RIMBP2: variants seen among roughly 807,000 people sequenced by gnomAD.
The protein encoded by RIMBP2 is RIMS binding protein 2.
In RIMBP2, 48 loss-of-function variants were observed where a neutral mutation model predicts 118.6. The ratio of observed to expected loss-of-function variants is 0.40; its 90% CI spans 0.32 to 0.51. The LOEUF is 0.51. Ranked by LOEUF, RIMBP2 falls within the 20% of genes least tolerant of loss-of-function variation. The pLI is 0.41. For missense variants in RIMBP2, 1,551 were observed against 1,768.3 expected (o/e 0.88, Z 2.20); for synonymous variants, 762 against 742.9 (o/e 1.03, Z -0.42).
intron 2 of RIMBP2, among the ~76,000 whole-genome samples, chr12:130,568,557 C>T (rs774731195): frequency 6.6e-5 from 10 of 152,312 alleles, no homozygotes; most frequent in Admixed American, 1.3e-4. Context: ...CTGGGAAACC[C>T]AGAAGCAATG....
Position 130,441,753 on chromosome 12 carries a change from T to A in RIMBP2, c.1504+95A>T, listed in dbSNP as rs2078158029. 8.2e-6 allele frequency: 9 copies of A among 1,098,770 alleles called. No individual in the cohort carries two copies. In the East Asian group the frequency reaches 2.3e-4, roughly 28 times the overall value. 68.1% of individuals were successfully genotyped at this position (1,098,770 alleles called of 1,614,324 possible). ...AGGGTCATGTTGTCAGGATGGGGAT[T>A]CCTGCTTCTGCCTGCCCCACCTTCC... is the stretch of plus-strand genomic sequence containing the variant. On this transcript the variant is annotated intron_variant, in intron 11 of 22. Coordinates refer to ENST00000690449, the MANE Select transcript of RIMBP2 (RefSeq NM_001393629.1).
At chr12:130,597,934 A>C (rs1246406576) in intron 2 of RIMBP2, among the ~76,000 whole-genome samples, 1 of 152,232 alleles carries the variant, frequency 6.6e-6, no homozygotes, top group African/African-American at 2.4e-5. Context: ...AGATTGGAAA[A>C]GAAGGAGGAA....
At chr12:130,650,958 T>TTA (rs1555318449) in intron 1 of RIMBP2, among the ~76,000 whole-genome samples, 2,045 of 125,568 alleles carry the variant, frequency 0.016, 26 homozygotes, top group South Asian at 0.039. Flanking sequence ...TTGTTTTTTT[T>TTA]AAAAAAAAAA....
intron 1 of RIMBP2, among the ~76,000 whole-genome samples, chr12:130,640,177 A>T (rs7979887): frequency 6.6e-5 from 10 of 151,996 alleles, no homozygotes; most frequent in African/African-American, 2.2e-4. Flanking sequence ...CCTAGAACCA[A>T]CCTTGCTGCT....
chr12:130,696,056 C>T (rs939859038), intron 1 of RIMBP2, among the ~76,000 whole-genome samples: 1 of 152,204 alleles, frequency 6.6e-6, no homozygotes, highest in Admixed American at 6.5e-5. Context: ...GGAGATGCTA[C>T]ATGGGCAACT....
rs1430244770 is a variant in RIMBP2 at position 130,657,705 on chromosome 12, GGC to G, written c.-351-29251_-351-29250del. On this transcript the variant is annotated intron_variant, in intron 1 of 22. Coordinates refer to ENST00000690449, the MANE Select transcript of RIMBP2 (RefSeq NM_001393629.1). ...GGAGGATGGAGCCCCAGCTGCGGGGGGCAGTGAGGGCGGAGGATGGAGCCCCA... is the reference window on the plus strand; with the variant it reads ...GGAGGATGGAGCCCCAGCTGCGGGGGAGTGAGGGCGGAGGATGGAGCCCCA... 7.7e-5 allele frequency: 9 copies of G among 117,106 alleles called. No individual in the cohort carries two copies. In the East Asian group the frequency reaches 2.4e-3, roughly 31 times the overall value. The allele number at this position is 117,106 out of a possible 1,614,324, so 7.3% of individuals were successfully genotyped here.
intron 1 of RIMBP2, among the ~76,000 whole-genome samples, chr12:130,695,798 G>A (rs571469223): frequency 6.6e-6 from 1 of 152,232 alleles, no homozygotes; most frequent in South Asian, 2.1e-4. Flanking sequence ...GGAGCTAGCA[G>A]GGGAGGTGGG....
intron 4 of RIMBP2, among the ~76,000 whole-genome samples, chr12:130,488,990 G>C (rs910520096): frequency 4.6e-5 from 7 of 152,234 alleles, no homozygotes; most frequent in African/African-American, 1.7e-4. Context: ...GAAAGTTCCA[G>C]AGAGCTGACT....
chr12:130,552,415 A>G (rs2139742082), intron 2 of RIMBP2, among the ~76,000 whole-genome samples: 1 of 152,376 alleles, frequency 6.6e-6, no homozygotes, highest in Non-Finnish European at 1.5e-5. Flanking sequence ...TATCTTTTTC[A>G]AGACAATTAT....
chr12:130,586,173 A>C (rs1019482146), intron 2 of RIMBP2, among the ~76,000 whole-genome samples: 3 of 152,204 alleles, frequency 2.0e-5, no homozygotes, highest in Non-Finnish European at 2.9e-5. Flanking sequence ...TAAGATGAAG[A>C]GGCCAGGGCG....
rs142142381 is a variant in RIMBP2 at position 130,475,254 on chromosome 12, C to T, written c.102+3658G>A. ...CATGATCTTACGTGCTTCTCCCGAC[C>T]GCCATGCAGGGCAGGAGGACAGGTG... is the stretch of plus-strand genomic sequence containing the variant. On this transcript the variant is annotated intron_variant, in intron 5 of 22. Coordinates refer to ENST00000690449, the MANE Select transcript of RIMBP2 (RefSeq NM_001393629.1). The surrounding 1 kb of genome is among the most constrained non-coding windows in gnomAD (Gnocchi z 4.1). Among the ~76,000 whole-genome samples the T allele has an allele frequency of 6.6e-6, 1 of 152,322 alleles. No homozygotes were observed. The highest frequency in any genetic ancestry group is 1.5e-5 in the Non-Finnish European group (1 of 68,036).
At chr12:130,429,926 G>T (rs1401389190) in intron 14 of RIMBP2, 1 of 152,186 alleles carries the variant, frequency 6.6e-6, no homozygotes, top group African/African-American at 2.4e-5. Flanking sequence ...TGGGTCTAAC[G>T]AGGCCCTCCC....
At chr12:130,538,953 C>G (rs1356080) in intron 2 of RIMBP2, among the ~76,000 whole-genome samples, 2,672 of 152,238 alleles carry the variant, frequency 0.018, 73 homozygotes, top group Admixed American at 0.06. Flanking sequence ...CCTGAGGGTG[C>G]TAAGGGTGGT....
intron 2 of RIMBP2, among the ~76,000 whole-genome samples, chr12:130,551,384 T>A (rs2055766618): frequency 6.6e-6 from 1 of 152,196 alleles, no homozygotes; most frequent in Non-Finnish European, 1.5e-5. Flanking sequence ...TTGTGAGATA[T>A]TTCTCACTTC....
intron 4 of RIMBP2, among the ~76,000 whole-genome samples, chr12:130,483,756 C>G (rs1194361094): frequency 2.0e-5 from 3 of 146,808 alleles, no homozygotes; most frequent in Admixed American, 6.7e-5. Flanking sequence ...ACACAGTGCC[C>G]GGAGCCCCCA....
rs976324821 is a variant in RIMBP2, at chr12:130,436,824, C to A, written c.2106+18G>T. 2.2e-6 allele frequency: 3 copies of A among 1,376,558 alleles called. No individual in the cohort carries two copies. The African/African-American group carries it at 4.5e-5, about 21-fold the overall frequency. 85.3% of individuals were successfully genotyped at this position (1,376,558 alleles called of 1,614,324 possible). A position where few individuals can be genotyped will look rare whatever the true frequency, so the allele number is the denominator to read the frequency against. On this transcript the variant is annotated intron_variant, in intron 13 of 22. Transcript: ENST00000690449. The stretch of plus-strand genomic sequence containing the variant: ...TTTGGGGACTGAGGAGCCACCGAGG[C>A]GGGAGCCCCAGCCTTACCCTGCTGC...
chr12:130,627,790 C>T (rs1299714253), intron 2 of RIMBP2, among the ~76,000 whole-genome samples: 1 of 152,196 alleles, frequency 6.6e-6, no homozygotes, highest in African/African-American at 2.4e-5. Context: ...TCTCCAATGA[C>T]CCTCACGTCC....
chr12:130,571,488 C>T (rs1009948627), intron 2 of RIMBP2, among the ~76,000 whole-genome samples: 4 of 149,990 alleles, frequency 2.7e-5, no homozygotes, highest in Admixed American at 6.6e-5. Context: ...GGCACAATCT[C>T]GGCTCACTGC....
rs765709015 is a variant in RIMBP2, at chr12:130,412,743, G to T, written c.3465C>A (p.Thr1155=). The T allele has an allele frequency of 9.3e-6, 15 of 1,613,808 alleles. No homozygotes were observed. Among genetic ancestry groups the T allele is most frequent in the Middle Eastern group, 1.6e-4 (1 of 6,084 alleles). ...AAGGAATAAGGCCAAGCCGGGCACA[G>T]GTTTCCCCACGGTAGAATCCATCAG... ...KDADGFYRGE[T]CARLGLIPCN... The change falls in exon 19 of 23, where the codon ACC becomes ACA. Residue 1155 remains threonine, a synonymous_variant. Transcript: ENST00000690449.
Sources: gnomAD v4.1 joint callset for allele counts (sites outside exome capture counted in the v4.1 genomes callset) on GRCh38, gnomAD v4.1.1 for gene constraint, Gnocchi (gnomAD v3.1) non-coding constraint, MANE v1.5 for transcripts, NCBI Gene and HGNC (gene_info 2026-07-23, HGNC 2026-07-21) for gene names.